Variants in ALX1 observed in about 807,000 individuals in gnomAD.
ALX1 encodes the protein ALX homeobox 1, also known as ALX homeobox protein 1.
Under a neutral mutation model 31.7 loss-of-function variants are expected in ALX1, and 19 were observed. The observed-to-expected ratio is 0.60, with a 90% CI of 0.42 to 0.88. The LOEUF (loss-of-function observed/expected upper bound fraction) is 0.88, where lower values mean the gene tolerates loss of function less well. Among genes scored for constraint, ALX1 ranks in the 40% least tolerant of loss-of-function variants. The pLI is 0.00. For missense variants in ALX1, 415 were observed against 407.8 expected (o/e 1.02, Z -0.15); for synonymous variants, 153 against 148.8 (o/e 1.03, Z -0.20).
At chr12:85,280,569 G>A in intron 1 of ALX1, 82 bp downstream of exon 1, 1 of 1,439,046 alleles carries the variant, frequency 6.9e-7, no homozygotes, top group Non-Finnish European at 9.5e-7. Context: ...AGGCAGGGAG[G>A]GAGAAAGGAG....
chr12:85,298,235 ATCT>A (rs1376521868), intron 3 of ALX1, among the ~76,000 whole-genome samples: 2 of 151,748 alleles, frequency 1.3e-5, no homozygotes, highest in African/African-American at 2.4e-5. Flanking sequence ...ATCTTGGGTG[ATCT>A]TCTTCAGCTC....
intron 3 of ALX1, among the ~76,000 whole-genome samples, chr12:85,297,271 G>A (rs529404416): frequency 6.1e-4 from 92 of 151,752 alleles, no homozygotes; most frequent in Middle Eastern, 3.4e-3. Context: ...TGGTGTAAAT[G>A]CTATGTATTG....
At chr12:85,292,167 T>C (rs1485672002) in intron 3 of ALX1, among the ~76,000 whole-genome samples, 1 of 151,076 alleles carries the variant, frequency 6.6e-6, no homozygotes, top group Admixed American at 6.6e-5. Context: ...TGTTATCTTA[T>C]GTTGTAGCGT....
rs745326250 is a variant in ALX1, at chr12:85,283,807, T to G, written c.462T>G (p.Thr154=). 1.1e-5 allele frequency: 17 copies of G among 1,613,998 alleles called. No individual in the cohort carries two copies. The highest frequency in any genetic ancestry group is 1.7e-6 in the Non-Finnish European group (2 of 1,180,010). ...LEELEKVFQK[T]HYPDVYVREQ... is the part of the protein sequence containing the mutation. Reference sequence around the variant, plus strand: ...AGCTGGAGAAAGTCTTTCAGAAAACTCATTACCCGGATGTGTATGTCAGAG... The same window carrying G: ...AGCTGGAGAAAGTCTTTCAGAAAACGCATTACCCGGATGTGTATGTCAGAG... The change falls in exon 2 of 4, where the codon ACT becomes ACG. Residue 154 remains threonine, a synonymous_variant. Coordinates refer to ENST00000316824, the MANE Select transcript of ALX1 (RefSeq NM_006982.3).
intron 1 of ALX1, 71 bp downstream of exon 1, chr12:85,280,558 C>A: frequency 6.6e-7 from 1 of 1,514,128 alleles, no homozygotes; most frequent in Non-Finnish European, 9.0e-7. Flanking sequence ...TCGGTCTGAT[C>A]AGGCAGGGAG....
At chr12:85,300,560 T>A (rs1254246970) in intron 3 of ALX1, among the ~76,000 whole-genome samples, 11 of 152,186 alleles carry the variant, frequency 7.2e-5, no homozygotes, top group South Asian at 2.1e-4. Context: ...AATATGTATA[T>A]TTACATATTT....
intron 1 of ALX1, among the ~76,000 whole-genome samples, chr12:85,281,507 C>A (rs368195661): frequency 6.6e-6 from 1 of 152,112 alleles, no homozygotes; most frequent in African/African-American, 2.4e-5. Context: ...CCCCCTGCCC[C>A]CTATTTTATA....
intron 3 of ALX1, among the ~76,000 whole-genome samples, chr12:85,289,470 C>T (rs1003247456): frequency 6.6e-6 from 1 of 151,052 alleles, no homozygotes; most frequent in African/African-American, 2.4e-5. Context: ...CTTTTTCACT[C>T]CAATGAAAAA....
rs575084641 is a variant in ALX1 at position 85,283,627 on chromosome 12, A to C, written c.282A>C (p.Arg94Ser). ...AGCCCCTTCACACCGAACTGAATAG[A>C]GCTATGGACAACTGTAACAGTCTCC... ...EGQPLHTELN[R>S]AMDNCNSLRM... is the part of the protein sequence containing the mutation. The change falls in exon 2 of 4, where the codon AGA (arginine) becomes AGC (serine). Residue 94 changes from arginine (R) to serine (S), a missense_variant. Physicochemically the swap from Arg to Ser is moderately radical, Grantham distance 110. Coordinates refer to ENST00000316824, the MANE Select transcript of ALX1 (RefSeq NM_006982.3). 317 of 1,614,112 alleles carry C rather than the reference A, an allele frequency of 2.0e-4. No individual in the cohort carries two copies. The South Asian group carries it at 3.4e-3, about 17-fold the overall frequency.
intron 2 of ALX1, 104 bp from the exon 3 acceptor site, chr12:85,286,749 A>T (rs1006959284): frequency 5.4e-6 from 6 of 1,119,212 alleles, no homozygotes; most frequent in African/African-American, 1.6e-5. Flanking sequence ...TTTTTACGTA[A>T]TTTTTTTAAC....
chr12:85,282,244 G>GC (rs1896684353), intron 1 of ALX1, among the ~76,000 whole-genome samples: 4 of 151,266 alleles, frequency 2.6e-5, no homozygotes, highest in African/African-American at 4.9e-5. Flanking sequence ...TAAAAAATTT[G>GC]TTATATATAT....
chr12:85,285,991 G>C (rs569175620), intron 2 of ALX1, among the ~76,000 whole-genome samples: 1 of 152,022 alleles, frequency 6.6e-6, no homozygotes, highest in African/African-American at 2.4e-5. Context: ...GGTAATTAGA[G>C]AAATTGTGGA....
chr12:85,288,267 C>T (rs905923488), intron 3 of ALX1, among the ~76,000 whole-genome samples: 1 of 151,402 alleles, frequency 6.6e-6, no homozygotes, highest in African/African-American at 2.4e-5. Flanking sequence ...CAATGGCTTG[C>T]TAGAAGACTA....
chr12:85,293,507 A>G (rs1475467481), intron 3 of ALX1, among the ~76,000 whole-genome samples: 1 of 150,944 alleles, frequency 6.6e-6, no homozygotes, highest in African/African-American at 2.4e-5. Context: ...GAGGCAAAGA[A>G]TATCCTCCAA....
At chr12:85,286,036 G>A (rs1896742179) in intron 2 of ALX1, among the ~76,000 whole-genome samples, 1 of 151,992 alleles carries the variant, frequency 6.6e-6, no homozygotes, top group African/African-American at 2.4e-5. Flanking sequence ...CACAGTAACT[G>A]ATAGACTTTC....
At chr12:85,300,051 T>C (rs1052880076) in intron 3 of ALX1, among the ~76,000 whole-genome samples, 3 of 151,940 alleles carry the variant, frequency 2.0e-5, no homozygotes, top group Non-Finnish European at 4.4e-5. Context: ...AGTATTACTA[T>C]CCCATGCAAC....
chr12:85,289,720 G>T (rs569495347), intron 3 of ALX1, among the ~76,000 whole-genome samples: 1 of 151,328 alleles, frequency 6.6e-6, no homozygotes, highest in African/African-American at 2.4e-5. Flanking sequence ...TTATGTGGCT[G>T]CAACTCCCCA....
intron 3 of ALX1, among the ~76,000 whole-genome samples, chr12:85,296,511 T>C (rs1365826560): frequency 6.6e-6 from 1 of 151,574 alleles, no homozygotes; most frequent in Non-Finnish European, 1.5e-5. Flanking sequence ...GGGGCAAACG[T>C]TCAAAGTGAA....
intron 3 of ALX1, among the ~76,000 whole-genome samples, chr12:85,290,309 C>T (rs926270996): frequency 6.6e-6 from 1 of 151,108 alleles, no homozygotes; most frequent in Non-Finnish European, 1.5e-5. Flanking sequence ...CTTCTTGTAT[C>T]TATTAACCTG....
Sources: allele counts gnomAD v4.1 joint callset (sites outside exome capture counted in the v4.1 genomes callset), GRCh38; gene constraint gnomAD v4.1.1; transcripts MANE v1.5; gene names NCBI Gene and HGNC (gene_info 2026-07-23, HGNC 2026-07-21).